SPP1: variants seen among roughly 807,000 people sequenced by gnomAD.
SPP1 encodes osteopontin.
A neutral mutation model predicts 20.8 loss-of-function variants in SPP1; 18 were observed. The ratio of observed to expected loss-of-function variants is 0.87; its 90% CI spans 0.60 to 1.29. SPP1 has a LOEUF of 1.29. Ranked by LOEUF, SPP1 falls within the 50% of genes most tolerant of loss-of-function variation. The probability of loss-of-function intolerance (pLI) is 0.00; values close to 1 mark genes in which losing one functional copy is unlikely to be tolerated. For synonymous variants in SPP1, 146 were observed against 141.5 expected (o/e 1.03, Z -0.23); for missense variants, 363 against 389.0 (o/e 0.93, Z 0.56).
Position 87,976,879 on chromosome 4 carries a change from C to T in SPP1, c.-14-3C>T. ...CAGCTATTCCTTATGAAATATTTTG[C>T]AGGAAAACTCACTACCATGAGAATT... On this transcript the variant is annotated splice_polypyrimidine_tract_variant and splice_region_variant and intron_variant, in intron 1 of 6. Coordinates refer to ENST00000395080, the MANE Select transcript of SPP1 (RefSeq NM_001040058.2). 6.2e-7 allele frequency: 1 copy of T among 1,610,200 alleles called. No homozygotes were observed. The highest frequency in any genetic ancestry group is 8.5e-7 in the Non-Finnish European group (1 of 1,176,734).
In SPP1 at chr4:87,976,776, A is replaced by G. The variant is rs573954698; in HGVS notation, c.-14-106A>G. The G allele has an allele frequency of 1.5e-5, 11 of 722,938 alleles. No individual in the cohort carries two copies. In the East Asian group the frequency reaches 3.0e-4, roughly 20 times the overall value. The allele number at this position is 722,938 out of a possible 1,614,324, so 44.8% of individuals were successfully genotyped here. A position where few individuals can be genotyped will look rare whatever the true frequency, so the allele number is the denominator to read the frequency against. ...CTCTAAGAAGTAGAAAAGATTCTAT[A>G]GAAAATATATTTTATTTGTGATCAT... On this transcript the variant is annotated intron_variant, in intron 1 of 6. Coordinates refer to ENST00000395080, the MANE Select transcript of SPP1 (RefSeq NM_001040058.2).
At chr4:87,980,347 G>T (rs78483491) in intron 4 of SPP1, 46 bp from the exon 5 acceptor site, 1 of 1,604,684 alleles carries the variant, frequency 6.2e-7, no homozygotes, top group Admixed American at 1.7e-5. Context: ...GAATAAAAAA[G>T]CTAGGCATGT....
At position 87,981,698 on chromosome 4, in the gene SPP1, CT is replaced by C; in HGVS notation, c.441del (p.Pro148GlnfsTer6). The C allele has an allele frequency of 4.3e-6, 7 of 1,614,174 alleles. No individual in the cohort carries two copies. Among genetic ancestry groups the C allele is most frequent in the Non-Finnish European group, 5.9e-6 (7 of 1,180,042 alleles). ...PTDLPATEVF[T>X]PVVPTVDTYD... is the part of the protein sequence containing the mutation. ...GACCTGCCAGCAACCGAAGTTTTCA[CT>C]CCAGTTGTCCCCACAGTAGACACAT... On this transcript the variant is annotated frameshift_variant, in exon 6 of 7. Transcript: ENST00000395080. LOFTEE classifies it high-confidence loss of function.
rs191851907 is a variant in SPP1 at position 87,978,369 on chromosome 4, C to T, written c.93+1272C>T. 5.7e-3 allele frequency among the ~76,000 whole-genome samples: 847 copies of T among 148,686 alleles called. 10 individuals are homozygous for T. Among genetic ancestry groups the T allele is most frequent in the African/African-American group, 0.02 (822 of 40,310 alleles). ...GAGAAAAACTCTGAACTCATCTGGT[C>T]TCACTGTTTTTCCGCCTTCTTTTTT... is the stretch of plus-strand genomic sequence containing the variant. On this transcript the variant is annotated intron_variant, in intron 3 of 6. Transcript: ENST00000395080.
rs371560904 is a variant in SPP1 at position 87,980,032 on chromosome 4, C to A, written c.94-14C>A. 6.2e-7 allele frequency: 1 copy of A among 1,612,662 alleles called. No individual in the cohort carries two copies. The highest frequency in any genetic ancestry group is 8.5e-7 in the Non-Finnish European group (1 of 1,179,492). ...TCTTTTTTTAATAATGATAAACATGCAACTTTTTTGTAGCTTTACAACAAA... is the reference window on the plus strand; with the variant it reads ...TCTTTTTTTAATAATGATAAACATGAAACTTTTTTGTAGCTTTACAACAAA... On this transcript the variant is annotated splice_polypyrimidine_tract_variant and intron_variant, in intron 3 of 6. Coordinates refer to ENST00000395080, the MANE Select transcript of SPP1 (RefSeq NM_001040058.2).
chr4:87,980,546 C>A, intron 5 of SPP1, 112 bp downstream of exon 5: 1 of 1,100,432 alleles, frequency 9.1e-7, no homozygotes, highest in Non-Finnish European at 1.3e-6. Context: ...AGCTAATTGG[C>A]AGTCTAAAAC....
intron 6 of SPP1, among the ~76,000 whole-genome samples, chr4:87,982,269 G>A (rs2110070664): frequency 6.6e-6 from 1 of 151,966 alleles, no homozygotes; most frequent in Middle Eastern, 3.4e-3. Flanking sequence ...TACCTCATAG[G>A]TTTCATTACA....
At chr4:87,979,932 C>T (rs1337042498) in intron 3 of SPP1, 114 bp from the exon 4 acceptor site, 13 of 996,744 alleles carry the variant, frequency 1.3e-5, no homozygotes, top group Non-Finnish European at 1.9e-5. Context: ...AAAAAGGTAC[C>T]TAAGGGTCCG....
rs1168123216 is a variant in SPP1, at chr4:87,981,723, A to G, written c.465A>G (p.Thr155=). The G allele has an allele frequency of 2.5e-6, 4 of 1,614,084 alleles. No homozygotes were observed. The highest frequency in any genetic ancestry group is 3.4e-6 in the Non-Finnish European group (4 of 1,180,034). ...CTCCAGTTGTCCCCACAGTAGACAC[A>G]TATGATGGCCGAGGTGATAGTGTGG... ...VFTPVVPTVD[T]YDGRGDSVVY... The change falls in exon 6 of 7, where the codon ACA becomes ACG. Residue 155 remains threonine (T), a synonymous_variant. Coordinates refer to ENST00000395080, the MANE Select transcript of SPP1 (RefSeq NM_001040058.2).
chr4:87,982,573 G>T lies in SPP1; in HGVS notation c.622G>T (p.Ala208Ser), dbSNP rs1374161781. 1.2e-6 allele frequency: 2 copies of T among 1,614,140 alleles called. No individual in the cohort carries two copies. The highest frequency in any genetic ancestry group is 1.3e-5 in the African/African-American group (1 of 75,034). The change falls in exon 7 of 7, where the codon GCC (alanine) becomes TCC (serine). Residue 208 changes from alanine to serine, a missense_variant. Coordinates refer to ENST00000395080, the MANE Select transcript of SPP1 (RefSeq NM_001040058.2). ...LNGAYKAIPV[A>S]QDLNAPSDWD... ...TGGTGCATACAAGGCCATCCCCGTT[G>T]CCCAGGACCTGAACGCGCCTTCTGA...
chr4:87,977,228 T>C, intron 3 of SPP1, 131 bp downstream of exon 3: 3 of 912,802 alleles, frequency 3.3e-6, no homozygotes, highest in Non-Finnish European at 5.1e-6. Flanking sequence ...ATTGATTGAC[T>C]GCCTGCTATG....
At chr4:87,976,048 G>A (rs1725365943) in intron 1 of SPP1, among the ~76,000 whole-genome samples, 1 of 152,130 alleles carries the variant, frequency 6.6e-6, no homozygotes, top group African/African-American at 2.4e-5. Context: ...AACCACCGAT[G>A]CTAATCAGAA....
At position 87,980,589 on chromosome 4, in the gene SPP1, A is replaced by T. The variant is rs1021419324; in HGVS notation, c.216+155A>T. On this transcript the variant is annotated intron_variant, in intron 5 of 6. Coordinates refer to ENST00000395080, the MANE Select transcript of SPP1 (RefSeq NM_001040058.2). ...TAAATAAAACATGTATTTACTAAAT[A>T]TCAGAAATACTAGGTTTCCTCGGAT... 24 of 719,910 alleles carry T rather than the reference A, an allele frequency of 3.3e-5. No homozygotes were observed. The South Asian group carries it at 4.5e-4, about 14-fold the overall frequency. The allele number at this position is 719,910 out of a possible 1,614,324, so 44.6% of individuals were successfully genotyped here.
chr4:87,981,558 G>A lies in SPP1; in HGVS notation c.300G>A (p.Gln100=). ...DEDDDDHVDS[Q]DSIDSNDSDD... ...ATGATGATGACCATGTGGACAGCCA[G>A]GACTCCATTGACTCGAACGACTCTG... Residue 100 remains glutamine, a synonymous_variant, in exon 6 of 7, where the codon CAG becomes CAA. Transcript: ENST00000395080. The A allele has an allele frequency of 6.2e-7, 1 of 1,614,086 alleles. No homozygotes were observed. The highest frequency in any genetic ancestry group is 8.5e-7 in the Non-Finnish European group (1 of 1,179,978).
intron 5 of SPP1, 130 bp from the exon 6 acceptor site, chr4:87,981,345 T>C (rs1725631144): frequency 2.6e-6 from 2 of 757,070 alleles, no homozygotes; most frequent in Non-Finnish European, 4.1e-6. Context: ...CTAAAAGCCA[T>C]GGTATGTACT....
chr4:87,978,555 TG>T (rs1725502570), intron 3 of SPP1, among the ~76,000 whole-genome samples: 1 of 152,020 alleles, frequency 6.6e-6, no homozygotes, highest in South Asian at 2.1e-4. Context: ...GATAATTTTT[TG>T]TATTTTTAGT....
Position 87,981,536 on chromosome 4 carries a change from A to T in SPP1, c.278A>T (p.Asp93Val), listed in dbSNP as rs1285567539. The T allele has an allele frequency of 4.3e-6, 7 of 1,613,780 alleles. No homozygotes were observed. Among genetic ancestry groups the T allele is most frequent in the South Asian group, 1.1e-5 (1 of 91,044 alleles). ...DHMDDMDDED[D>V]DDHVDSQDSI... ...ATGGATGATATGGATGATGAAGATGATGATGACCATGTGGACAGCCAGGAC... is the reference window on the plus strand; with the variant it reads ...ATGGATGATATGGATGATGAAGATGTTGATGACCATGTGGACAGCCAGGAC... The change falls in exon 6 of 7, where the codon GAT becomes GTT. Residue 93 changes from aspartate to valine, a missense_variant. Transcript: ENST00000395080.
intron 5 of SPP1, chr4:87,980,784 G>C (rs909305408): frequency 2.3e-5 from 5 of 215,462 alleles, no homozygotes; most frequent in Admixed American, 5.8e-5. Context: ...TAATAAAATA[G>C]TTTATTTGAC....
At position 87,976,957 on chromosome 4, in the gene SPP1, C is replaced by T. The variant is rs762579631; in HGVS notation, c.54+8C>T. ...ATCACCTGTGCCATACCAGTGAGTA[C>T]AGTTGCATCTTAAAGAAAATTCCTG... On this transcript the variant is annotated splice_region_variant and intron_variant, in intron 2 of 6. Transcript: ENST00000395080. 1 of 1,613,672 alleles carries T rather than the reference C, an allele frequency of 6.2e-7. No individual in the cohort carries two copies. Among genetic ancestry groups the T allele is most frequent in the South Asian group, 1.1e-5 (1 of 91,074 alleles).
Sources: gnomAD v4.1 joint callset for allele counts (sites outside exome capture counted in the v4.1 genomes callset) on GRCh38, gnomAD v4.1.1 for gene constraint, MANE v1.5 for transcripts, NCBI Gene and HGNC (gene_info 2026-07-23, HGNC 2026-07-21) for gene names.